Variants in PDZD2 observed in about 807,000 individuals in gnomAD.
PDZD2 encodes PDZ domain-containing protein 2.
PDZD2 carries 90 observed loss-of-function variants against 220.7 expected under a neutral mutation model. The ratio of observed to expected loss-of-function variants is 0.41; its 90% confidence interval spans 0.34 to 0.49. The LOEUF (loss-of-function observed/expected upper bound fraction) is 0.49. PDZD2 is among the 20% of genes least tolerant of loss of function. PDZD2 has a pLI of 0.28. For missense variants in PDZD2, 3,174 were observed against 3,608.5 expected (o/e 0.88, Z 3.08); for synonymous variants, 1,375 against 1,450.5 (o/e 0.95, Z 1.18).
intron 2 of PDZD2, among the ~76,000 whole-genome samples, chr5:31,932,314 C>T (rs1194941908): frequency 1.3e-5 from 2 of 152,086 alleles, no homozygotes; most frequent in Non-Finnish European, 2.9e-5. Flanking sequence ...TTTAGGAGGC[C>T]GAGGCAGGCA....
In PDZD2 at chr5:32,090,873, G is replaced by A. The variant is rs146243651; in HGVS notation, c.7425G>A (p.Ser2475=). The change falls in exon 20 of 25, where the codon TCG becomes TCA. Residue 2475 remains serine, a synonymous_variant. Transcript: ENST00000438447. This position sits in a 1 kb window ranked among gnomAD's most constrained non-coding sequence, Gnocchi z 4.3. ...NKSSVRHTQP[S]PVSRSKLQEL... ...CCTCGGTACGCCACACGCAGCCCTC[G>A]CCCGTGTCCCGCTCCAAGCTCCAGG... The A allele has an allele frequency of 9.0e-5, 146 of 1,613,816 alleles. 1 individual carries two copies. The highest frequency in any genetic ancestry group is 1.1e-4 in the Non-Finnish European group (129 of 1,180,014).
At chr5:31,969,532 A>G (rs1417886355) in intron 2 of PDZD2, among the ~76,000 whole-genome samples, 1 of 144,396 alleles carries the variant, frequency 6.9e-6, no homozygotes, top group Non-Finnish European at 1.5e-5. Flanking sequence ...AAAAAAAAAA[A>G]AAACAATGGA....
intron 2 of PDZD2, among the ~76,000 whole-genome samples, chr5:31,940,216 C>G (rs989639217): frequency 6.6e-6 from 1 of 152,224 alleles, no homozygotes; most frequent in Non-Finnish European, 1.5e-5. Flanking sequence ...GCAACATTCT[C>G]CCTCCATGGA....
intron 7 of PDZD2, among the ~76,000 whole-genome samples, chr5:32,039,602 AC>A (rs1009300894): frequency 1.6e-4 from 22 of 139,084 alleles, no homozygotes; most frequent in Admixed American, 7.1e-4. Context: ...CTGCCCGGCC[AC>A]CCCGTCTGGG....
chr5:31,769,084 C>T (rs1019057637), intron 1 of PDZD2, among the ~76,000 whole-genome samples: 7 of 152,180 alleles, frequency 4.6e-5, no homozygotes, highest in African/African-American at 9.7e-5. Flanking sequence ...ATGCTCAGGA[C>T]GCTGGAGATC....
intron 2 of PDZD2, among the ~76,000 whole-genome samples, chr5:31,919,430 T>C (rs1743990818): frequency 6.6e-6 from 1 of 151,454 alleles, no homozygotes; most frequent in South Asian, 2.1e-4. Flanking sequence ...CACTGCACCC[T>C]CTGTCTCCCA....
chr5:32,026,557 G>GCACA (rs139271161), intron 6 of PDZD2, among the ~76,000 whole-genome samples: 20 of 150,932 alleles, frequency 1.3e-4, no homozygotes, highest in African/African-American at 4.1e-4. Context: ...GTGCACGCAC[G>GCACA]CACACACACA....
chr5:31,765,071 C>T (rs918119370), intron 1 of PDZD2, among the ~76,000 whole-genome samples: 13 of 40,590 alleles, frequency 3.2e-4, no homozygotes, highest in African/African-American at 1.0e-3. Flanking sequence ...AGCAAGACTG[C>T]GTCTCAAGAA....
chr5:31,676,256 A>G (rs980519436), intron 1 of PDZD2, among the ~76,000 whole-genome samples: 8 of 152,226 alleles, frequency 5.3e-5, no homozygotes, highest in African/African-American at 1.9e-4. Context: ...TGAAATAAAC[A>G]AAAGTGTCCA....
At chr5:31,988,093 C>T (rs987994204) in intron 3 of PDZD2, among the ~76,000 whole-genome samples, 1 of 152,204 alleles carries the variant, frequency 6.6e-6, no homozygotes, top group Non-Finnish European at 1.5e-5. Context: ...TCCACTGTCC[C>T]AACTGCCACC....
chr5:31,884,994 A>G (rs1035945557), intron 2 of PDZD2, among the ~76,000 whole-genome samples: 7 of 152,094 alleles, frequency 4.6e-5, no homozygotes, highest in Admixed American at 3.9e-4. Context: ...GGACGATGCC[A>G]TAAGTAAAGT....
chr5:31,824,937 A>C (rs1756123545), intron 2 of PDZD2, among the ~76,000 whole-genome samples: 1 of 152,174 alleles, frequency 6.6e-6, no homozygotes, highest in Non-Finnish European at 1.5e-5. Flanking sequence ...AAGCTCTATT[A>C]ATACTAGCTC....
chr5:31,665,164 G>A (rs745689750), intron 1 of PDZD2: 1 of 152,200 alleles, frequency 6.6e-6, no homozygotes, highest in East Asian at 1.9e-4. Context: ...ATTTGGTGCG[G>A]GGAGTCATCA....
intron 1 of PDZD2, among the ~76,000 whole-genome samples, chr5:31,675,009 G>A (rs76030604): frequency 1.3e-3 from 192 of 152,338 alleles, no homozygotes; most frequent in African/African-American, 4.5e-3. Flanking sequence ...TGTGGGAACC[G>A]GGTGCTGTGG....
intron 2 of PDZD2, among the ~76,000 whole-genome samples, chr5:31,868,324 A>G (rs567609425): frequency 6.6e-6 from 1 of 152,210 alleles, no homozygotes; most frequent in Admixed American, 6.5e-5. Flanking sequence ...GTGTGCCTTT[A>G]ATCTCAGCTA....
At chr5:31,672,441 C>T (rs1269389668) in intron 1 of PDZD2, among the ~76,000 whole-genome samples, 1 of 152,194 alleles carries the variant, frequency 6.6e-6, no homozygotes, top group East Asian at 1.9e-4. Flanking sequence ...CTCTAGTTCC[C>T]TCTGATTCCC....
intron 1 of PDZD2, chr5:31,747,571 A>G (rs779542565): frequency 9.8e-5 from 15 of 152,354 alleles, no homozygotes; most frequent in Non-Finnish European, 5.9e-5. Flanking sequence ...TGACCCAAGC[A>G]TCCACCTCCT....
At chr5:31,793,856 G>T (rs75978593) in intron 1 of PDZD2, among the ~76,000 whole-genome samples, 11,859 of 152,162 alleles carry the variant, frequency 0.078, 624 homozygotes, top group Middle Eastern at 0.13. Context: ...CGGGAGGTCT[G>T]GAAAGTCCCT....
At chr5:32,071,302 T>G in intron 15 of PDZD2, 82 bp from the exon 16 acceptor site, 1 of 1,006,640 alleles carries the variant, frequency 9.9e-7, no homozygotes, top group Non-Finnish European at 1.6e-6. Flanking sequence ...GTTTGCCGCC[T>G]CCTTTTCTAG....
Sources: gnomAD v4.1 joint callset for allele counts (sites outside exome capture counted in the v4.1 genomes callset) on GRCh38, gnomAD v4.1.1 for gene constraint, Gnocchi (gnomAD v3.1) non-coding constraint, MANE v1.5 for transcripts, NCBI Gene and HGNC (gene_info 2026-07-23, HGNC 2026-07-21) for gene names.